The following SLC25A13 variants were observed in gnomAD, a reference collection of about 807,000 sequenced individuals.
SLC25A13 encodes the protein solute carrier family 25 member 13, also known as electrogenic aspartate/glutamate antiporter SLC25A13, mitochondrial.
Under a neutral mutation model 85.5 loss-of-function variants are expected in SLC25A13, and 70 were observed. The observed-to-expected ratio is 0.82, with a 90% CI of 0.68 to 1.00. The LOEUF (loss-of-function observed/expected upper bound fraction) is 1.00. SLC25A13 is among the 50% of genes least tolerant of loss of function. The pLI, the probability that SLC25A13 is intolerant of heterozygous loss-of-function variation, is 0.00. For missense variants in SLC25A13, 765 were observed against 819.8 expected, an observed-to-expected ratio of 0.93 and a Z score of 0.82; for synonymous variants, 259 against 288.7, an observed-to-expected ratio of 0.90 and a Z score of 1.04.
chr7:96,278,695 G>A (rs1453494593), intron 2 of SLC25A13, among the ~76,000 whole-genome samples: 7 of 152,120 alleles, frequency 4.6e-5, no homozygotes, highest in Admixed American at 1.3e-4. Context: ...TTAAATAAAT[G>A]TTCTATAGTA....
intron 14 of SLC25A13, among the ~76,000 whole-genome samples, chr7:96,142,068 A>G (rs1003443556): frequency 2.6e-5 from 4 of 152,258 alleles, no homozygotes; most frequent in Admixed American, 2.6e-4. Flanking sequence ...ATTGTGTTTG[A>G]AAAGATTCTA....
intron 2 of SLC25A13, among the ~76,000 whole-genome samples, chr7:96,295,458 C>T (rs1584584642): frequency 6.6e-6 from 1 of 152,158 alleles, no homozygotes; most frequent in Admixed American, 6.5e-5. Context: ...CATCATACTG[C>T]CTACTCATTT....
rs1038016812 is a variant in SLC25A13 at position 96,234,716 on chromosome 7, C to T, written c.328+86G>A. 8 of 1,009,354 alleles carry T rather than the reference C, an allele frequency of 7.9e-6. No individual in the cohort carries two copies. The African/African-American group carries it at 1.1e-4, about 14-fold the overall frequency. The allele number at this position is 1,009,354 out of a possible 1,614,324, so 62.5% of individuals were successfully genotyped here. Reference sequence around the variant, plus strand: ...ATCTTCTATAAAGAATTTCCATACACTTTATTTTGTTCCTAGAAAAAAAAA... The same window carrying T: ...ATCTTCTATAAAGAATTTCCATACATTTTATTTTGTTCCTAGAAAAAAAAA... On this transcript the variant is annotated intron_variant, in intron 4 of 17. Coordinates refer to ENST00000265631, the MANE Select transcript of SLC25A13 (RefSeq NM_014251.3).
At chr7:96,125,053 A>G (rs1245149892) in intron 15 of SLC25A13, among the ~76,000 whole-genome samples, 1 of 151,578 alleles carries the variant, frequency 6.6e-6, no homozygotes, top group Non-Finnish European at 1.5e-5. Flanking sequence ...TTTAACTTCT[A>G]TTTGCTGTTT....
At chr7:96,224,990 A>C (rs906253902) in intron 4 of SLC25A13, among the ~76,000 whole-genome samples, 8 of 152,224 alleles carry the variant, frequency 5.3e-5, no homozygotes, top group African/African-American at 1.7e-4. Context: ...TTTCCTCTAC[A>C]GAAAATGAGA....
intron 13 of SLC25A13, among the ~76,000 whole-genome samples, chr7:96,164,711 T>TACACACACACACACACACAC (rs56377235): frequency 0.017 from 2,485 of 143,050 alleles, 41 homozygotes; most frequent in African/African-American, 0.032. Flanking sequence ...GGATTAACTT[T>TACACACACACACACACACAC]ACACACACAC....
chr7:96,300,301 C>A (rs952488771), intron 1 of SLC25A13, among the ~76,000 whole-genome samples: 5 of 152,026 alleles, frequency 3.3e-5, no homozygotes, highest in African/African-American at 1.2e-4. Context: ...GGGAGCAGGA[C>A]CAACCTCATA....
At chr7:96,206,116 T>C (rs958126416) in intron 5 of SLC25A13, among the ~76,000 whole-genome samples, 3 of 152,336 alleles carry the variant, frequency 2.0e-5, no homozygotes, top group Admixed American at 2.0e-4. Context: ...ACAAGTTCCC[T>C]GAAATCACAA....
chr7:96,320,954 G>C (rs2117047078), intron 1 of SLC25A13, among the ~76,000 whole-genome samples: 1 of 152,300 alleles, frequency 6.6e-6, no homozygotes, highest in African/African-American at 2.4e-5. Flanking sequence ...GAAATGTTAG[G>C]TATATTTAAG....
chr7:96,172,338 A>T (rs1179369989), intron 11 of SLC25A13, among the ~76,000 whole-genome samples: 10 of 152,138 alleles, frequency 6.6e-5, no homozygotes, highest in Non-Finnish European at 1.2e-4. Flanking sequence ...AGGGTGGATC[A>T]TCTGAGGTCA....
chr7:96,247,976 A>G (rs1254421549), intron 3 of SLC25A13, among the ~76,000 whole-genome samples: 1 of 151,098 alleles, frequency 6.6e-6, no homozygotes, highest in Non-Finnish European at 1.5e-5. Context: ...AAAAAAAAAG[A>G]AAGAGTAGCC....
At position 96,170,099 on chromosome 7, in the gene SLC25A13, A is replaced by C; in HGVS notation, c.1257T>G (p.Phe419Leu). 6.2e-7 allele frequency: 1 copy of C among 1,614,240 alleles called. No individual in the cohort carries two copies. The highest frequency in any genetic ancestry group is 8.5e-7 in the Non-Finnish European group (1 of 1,180,034). The change falls in exon 13 of 18, where the codon TTT becomes TTG. Residue 419 changes from phenylalanine to leucine, a missense_variant. Transcript: ENST00000265631. ...LTVNDFVRDK[F>L]MHKDGSVPLA... The stretch of plus-strand genomic sequence containing the variant: ...GTGGGACCGAACCATCTTTGTGCAT[A>C]AATTTATCCCTCACAAAATCGTTCA...
chr7:96,321,008 T>G (rs1328132536), intron 1 of SLC25A13, among the ~76,000 whole-genome samples: 2 of 152,224 alleles, frequency 1.3e-5, no homozygotes, highest in East Asian at 1.9e-4. Flanking sequence ...TAGGCTTGAT[T>G]AGAGGGCTGC....
chr7:96,212,329 T>C (rs544567801), intron 4 of SLC25A13, among the ~76,000 whole-genome samples: 3 of 152,336 alleles, frequency 2.0e-5, no homozygotes, highest in South Asian at 2.1e-4. Context: ...TTGGGAGCAC[T>C]GTACTAGGTC....
At chr7:96,210,952 G>C (rs1211819352) in intron 4 of SLC25A13, among the ~76,000 whole-genome samples, 1 of 152,076 alleles carries the variant, frequency 6.6e-6, no homozygotes, top group African/African-American at 2.4e-5. Context: ...TCAAAAATAA[G>C]ATTTTTCCCC....
intron 15 of SLC25A13, among the ~76,000 whole-genome samples, chr7:96,128,548 G>A (rs892977849): frequency 3.9e-5 from 6 of 151,956 alleles, no homozygotes; most frequent in Non-Finnish European, 5.9e-5. Flanking sequence ...GGGCAAACTC[G>A]GTATTTTCCC....
At chr7:96,135,498 G>A (rs1321824025) in intron 14 of SLC25A13, among the ~76,000 whole-genome samples, 1 of 152,182 alleles carries the variant, frequency 6.6e-6, no homozygotes, top group Non-Finnish European at 1.5e-5. Flanking sequence ...CAATGAAAAG[G>A]GAAGCAGGAT....
At chr7:96,191,375 G>A (rs1584433899) in intron 6 of SLC25A13, 128 bp from the exon 7 acceptor site, 12 of 1,009,968 alleles carry the variant, frequency 1.2e-5, no homozygotes, top group East Asian at 2.6e-5. Context: ...ATGACTATAA[G>A]TATTTTTCTT....
intron 3 of SLC25A13, among the ~76,000 whole-genome samples, chr7:96,249,678 A>G (rs1167250529): frequency 1.3e-5 from 2 of 152,178 alleles, no homozygotes; most frequent in Non-Finnish European, 2.9e-5. Context: ...GCAGGCCATT[A>G]CAACACAGAA....
Sources: allele counts gnomAD v4.1 joint callset (sites outside exome capture counted in the v4.1 genomes callset), GRCh38; gene constraint gnomAD v4.1.1; transcripts MANE v1.5; gene names NCBI Gene and HGNC (gene_info 2026-07-23, HGNC 2026-07-21).